Variants in DOCK1 observed in about 807,000 individuals in gnomAD.
DOCK1 encodes the protein dedicator of cytokinesis protein 1.
Under a neutral mutation model 262.7 loss-of-function variants are expected in DOCK1, and 138 were observed. The observed-to-expected ratio is 0.53, with a 90% CI of 0.46 to 0.61. DOCK1 has a LOEUF of 0.61. DOCK1 is among the 20% of genes least tolerant of loss of function. The probability of loss-of-function intolerance (pLI) is 0.00; values close to 1 mark genes in which losing one functional copy is unlikely to be tolerated. For missense variants in DOCK1, 1,908 were observed against 2,370.7 expected, an observed-to-expected ratio of 0.80 and a Z score of 4.05; for synonymous variants, 866 against 867.4, an observed-to-expected ratio of 1.00 and a Z score of 0.03.
intron 50 of DOCK1, 133 bp from the exon 51 acceptor site, chr10:127,447,261 T>C (rs2070633889): frequency 1.5e-6 from 2 of 1,346,090 alleles, no homozygotes; most frequent in Non-Finnish European, 2.0e-6. Context: ...TCTGCTCTGT[T>C]GACAAACGTT....
chr10:127,017,129 A>C lies in DOCK1; in HGVS notation c.1202-1581A>C, dbSNP rs578255798. Among the ~76,000 whole-genome samples, 249 of 102,546 alleles carry C rather than the reference A, an allele frequency of 2.4e-3. 1 individual carries two copies. Among genetic ancestry groups the C allele is most frequent in the African/African-American group, 9.2e-3 (241 of 26,126 alleles). The allele number at this position is 102,546 out of a possible 152,430, so 67.3% of individuals were successfully genotyped here. A position where few individuals can be genotyped will look rare whatever the true frequency, so the allele number is the denominator to read the frequency against. ...CCAACACATGATACACCATAAAAAC[A>C]GACATACACACACAGATACAGACAC... On this transcript the variant is annotated intron_variant, in intron 12 of 51. Coordinates refer to ENST00000623213, the MANE Select transcript of DOCK1 (RefSeq NM_001290223.2).
At chr10:127,156,556 CTTCTTCTTTTTTTTT>C (rs2053084369) in intron 27 of DOCK1, among the ~76,000 whole-genome samples, 1 of 94,808 alleles carries the variant, frequency 1.1e-5, no homozygotes, top group Non-Finnish European at 2.2e-5. Context: ...TCTTCTTCTT[CTTCTTCTTTTTTTTT>C]TTTTTTTTTT....
At position 127,075,297 on chromosome 10, in the gene DOCK1, C is replaced by T. The variant is rs118018351; in HGVS notation, c.2445+13521C>T. ...ATTGATTTGATTGACGTACTGAGAC[C>T]GAGTCTCACTGTCACTTAGGCTGTA... On this transcript the variant is annotated intron_variant, in intron 23 of 51. Coordinates refer to ENST00000623213, the MANE Select transcript of DOCK1 (RefSeq NM_001290223.2). Among the ~76,000 whole-genome samples the T allele has an allele frequency of 2.2e-3, 333 of 151,262 alleles. 1 individual carries two copies. Among genetic ancestry groups the T allele is most frequent in the African/African-American group, 7.2e-3 (297 of 41,092 alleles).
intron 27 of DOCK1, among the ~76,000 whole-genome samples, chr10:127,235,867 A>T (rs562714058): frequency 6.6e-6 from 1 of 152,026 alleles, no homozygotes; most frequent in South Asian, 2.1e-4. Context: ...GTTCCTATTG[A>T]CTAGTAAGAT....
At chr10:126,978,104 T>C in intron 3 of DOCK1, 116 bp downstream of exon 3, 1 of 1,010,764 alleles carries the variant, frequency 9.9e-7, no homozygotes, top group Non-Finnish European at 1.5e-6. Flanking sequence ...TTTCTCTGAA[T>C]TTAAAAAAAT....
At chr10:127,162,635 C>T (rs1019079928) in intron 27 of DOCK1, among the ~76,000 whole-genome samples, 1 of 152,200 alleles carries the variant, frequency 6.6e-6, no homozygotes, top group African/African-American at 2.4e-5. Flanking sequence ...ATCACCTGTA[C>T]ATGTAAACTC....
At chr10:127,082,762 C>A (rs1211008947) in intron 23 of DOCK1, among the ~76,000 whole-genome samples, 1 of 152,094 alleles carries the variant, frequency 6.6e-6, no homozygotes, top group Non-Finnish European at 1.5e-5. Flanking sequence ...TGTCCCTGGG[C>A]CTTCGTCTCC....
intron 27 of DOCK1, among the ~76,000 whole-genome samples, chr10:127,197,845 TA>T (rs576788703): frequency 3.9e-4 from 60 of 152,242 alleles, no homozygotes; most frequent in African/African-American, 1.4e-3. Flanking sequence ...TTATACGAAA[TA>T]CCTTCTTTGT....
intron 27 of DOCK1, among the ~76,000 whole-genome samples, chr10:127,162,334 C>T (rs940832128): frequency 6.6e-6 from 1 of 152,150 alleles, no homozygotes; most frequent in Non-Finnish European, 1.5e-5. Context: ...TTTGTCATCC[C>T]ATGTGAGAAC....
At chr10:127,222,074 A>G (rs1166297903) in intron 27 of DOCK1, among the ~76,000 whole-genome samples, 1 of 152,162 alleles carries the variant, frequency 6.6e-6, no homozygotes, top group Non-Finnish European at 1.5e-5. Flanking sequence ...GCTTAATGAA[A>G]TTCTATCAGG....
chr10:127,331,471 G>A (rs2062979653), intron 29 of DOCK1, among the ~76,000 whole-genome samples: 1 of 151,982 alleles, frequency 6.6e-6, no homozygotes, highest in South Asian at 2.1e-4. Context: ...TAGTAGAGAT[G>A]GGGTTTCACC....
At chr10:127,089,142 G>T (rs562649047) in intron 23 of DOCK1, among the ~76,000 whole-genome samples, 2 of 152,288 alleles carry the variant, frequency 1.3e-5, no homozygotes, top group African/African-American at 4.8e-5. Context: ...TACACATGGA[G>T]CCCTGGACAC....
At chr10:127,349,099 T>C (rs189073122) in intron 31 of DOCK1, among the ~76,000 whole-genome samples, 2 of 152,164 alleles carry the variant, frequency 1.3e-5, no homozygotes, top group East Asian at 3.9e-4. Flanking sequence ...CTCACCTCTT[T>C]AGGAACCCAC....
chr10:127,060,696 A>G (rs1490297550), intron 22 of DOCK1, among the ~76,000 whole-genome samples: 1 of 151,864 alleles, frequency 6.6e-6, no homozygotes, highest in Admixed American at 6.5e-5. Context: ...AATTAGTAAC[A>G]TATATTAGCA....
chr10:127,321,967 G>A (rs1272785685), intron 29 of DOCK1, among the ~76,000 whole-genome samples: 3 of 151,946 alleles, frequency 2.0e-5, no homozygotes, highest in Non-Finnish European at 2.9e-5. Context: ...GCCAGATGTG[G>A]TGGCACACAC....
intron 29 of DOCK1, among the ~76,000 whole-genome samples, chr10:127,262,398 A>G (rs185377837): frequency 2.6e-5 from 4 of 152,324 alleles, no homozygotes; most frequent in Non-Finnish European, 5.9e-5. Flanking sequence ...CATTCAGCAG[A>G]AACAAGCTCC....
At chr10:127,412,665 C>G (rs890863912) in intron 43 of DOCK1, among the ~76,000 whole-genome samples, 3 of 152,314 alleles carry the variant, frequency 2.0e-5, no homozygotes, top group East Asian at 3.9e-4. Flanking sequence ...AGGGTTGCCT[C>G]AAGTAAAGAG....
At chr10:127,091,527 C>A (rs1022527861) in intron 23 of DOCK1, among the ~76,000 whole-genome samples, 3 of 152,210 alleles carry the variant, frequency 2.0e-5, no homozygotes, top group Admixed American at 2.0e-4. Flanking sequence ...TCTCTGAGAT[C>A]TTCACTGGGG....
intron 48 of DOCK1, among the ~76,000 whole-genome samples, chr10:127,434,107 A>G (rs2069495353): frequency 6.6e-6 from 1 of 151,024 alleles, no homozygotes; most frequent in South Asian, 2.1e-4. Context: ...TGCCAAGCCA[A>G]CTGTCACAGA....
Sources: allele counts gnomAD v4.1 joint callset (sites outside exome capture counted in the v4.1 genomes callset), GRCh38; gene constraint gnomAD v4.1.1; transcripts MANE v1.5; gene names NCBI Gene and HGNC (gene_info 2026-07-23, HGNC 2026-07-21).